The following PRKN variants were observed in gnomAD, a reference collection of about 807,000 sequenced individuals.
PRKN encodes the protein parkin RBR E3 ubiquitin protein ligase.
Under a neutral mutation model 59.5 loss-of-function variants are expected in PRKN, and 56 were observed. That is an observed-to-expected ratio of 0.94 (90% CI 0.76 to 1.18). The LOEUF (loss-of-function observed/expected upper bound fraction) is 1.18. Among genes scored for constraint, PRKN ranks in the 50% most tolerant of loss-of-function variants. The pLI, the probability that PRKN is intolerant of heterozygous loss-of-function variation, is 0.00. For synonymous variants in PRKN, 250 were observed against 222.1 expected (o/e 1.13, Z -1.12); for missense variants, 657 against 596.4 (o/e 1.10, Z -1.06).
chr6:161,878,925 C>T (rs1385567760), intron 6 of PRKN, among the ~76,000 whole-genome samples: 2 of 152,186 alleles, frequency 1.3e-5, no homozygotes, highest in Non-Finnish European at 2.9e-5. Context: ...GATGCAAGCA[C>T]AAATTTGTTG....
At position 161,388,619 on chromosome 6, in the gene PRKN, T is replaced by C. The variant is rs1786368991; in HGVS notation, c.1084-1742A>G. On this transcript the variant is annotated intron_variant, in intron 9 of 11. Transcript: ENST00000366898. This position sits in a 1 kb window ranked among gnomAD's most constrained non-coding sequence, Gnocchi z 4.3. ...TGTCTCTTCTGCTGACAGCCAGATG[T>C]GTTGAGTACTTGACTCCTAGAATAT... 6.6e-6 allele frequency among the ~76,000 whole-genome samples: 1 copy of C among 152,228 alleles called. No individual in the cohort carries two copies. The highest frequency in any genetic ancestry group is 6.5e-5 in the Admixed American group (1 of 15,286).
In PRKN at chr6:162,056,814, A is replaced by C. The variant is rs1777885601; in HGVS notation, c.535-2640T>G. On this transcript the variant is annotated intron_variant, in intron 4 of 11. Coordinates refer to ENST00000366898, the MANE Select transcript of PRKN (RefSeq NM_004562.3). The surrounding 1 kb of genome is among the most constrained non-coding windows in gnomAD (Gnocchi z 4.9). The stretch of plus-strand genomic sequence containing the variant: ...GTGTCTGCATGACCAGTTCCCACTA[A>C]AATCGCTGGGCACTGACTCTCCATT... 6.6e-6 allele frequency among the ~76,000 whole-genome samples: 1 copy of C among 152,110 alleles called. No individual in the cohort carries two copies. The highest frequency in any genetic ancestry group is 2.4e-5 in the African/African-American group (1 of 41,408).
At chr6:162,464,273 C>T (rs978799683) in intron 1 of PRKN, among the ~76,000 whole-genome samples, 1 of 152,012 alleles carries the variant, frequency 6.6e-6, no homozygotes, top group Non-Finnish European at 1.5e-5. Context: ...AAATGGGAAT[C>T]AGGGATCTGC....
chr6:161,600,000 T>C (rs1782051276), intron 7 of PRKN, among the ~76,000 whole-genome samples: 1 of 152,314 alleles, frequency 6.6e-6, no homozygotes, highest in Admixed American at 6.5e-5. Context: ...GAAAACACCA[T>C]GTTTGTTTCT....
chr6:162,301,550 G>A (rs1471155357), intron 2 of PRKN, among the ~76,000 whole-genome samples: 1 of 151,990 alleles, frequency 6.6e-6, no homozygotes, highest in East Asian at 1.9e-4. Flanking sequence ...TTTCTCCTGA[G>A]GCCTCCTGCG....
intron 1 of PRKN, among the ~76,000 whole-genome samples, chr6:162,486,935 T>C (rs1416308389): frequency 6.6e-6 from 1 of 151,972 alleles, no homozygotes; most frequent in East Asian, 1.9e-4. Context: ...CCGGGCGTGG[T>C]AGTGCATACC....
chr6:161,380,206 G>A (rs1399784386), intron 10 of PRKN, among the ~76,000 whole-genome samples: 1 of 152,144 alleles, frequency 6.6e-6, no homozygotes, highest in African/African-American at 2.4e-5. Flanking sequence ...TGCCTGAAGA[G>A]CTCATCCCTG....
intron 4 of PRKN, among the ~76,000 whole-genome samples, chr6:162,169,512 ATACT>A (rs1583142963): frequency 6.6e-6 from 1 of 152,236 alleles, no homozygotes; most frequent in East Asian, 1.9e-4. Flanking sequence ...GACTTCTGAA[ATACT>A]TAGACAAACC....
At chr6:162,070,106 A>G (rs898262018) in intron 4 of PRKN, among the ~76,000 whole-genome samples, 2 of 152,202 alleles carry the variant, frequency 1.3e-5, no homozygotes, top group African/African-American at 4.8e-5. Flanking sequence ...TGAGCCACAC[A>G]TGGATTACTT....
At chr6:161,516,098 T>C (rs16892687) in intron 9 of PRKN, among the ~76,000 whole-genome samples, 3,438 of 152,196 alleles carry the variant, frequency 0.023, 136 homozygotes, top group African/African-American at 0.078. Flanking sequence ...TACTTTTTTC[T>C]ATATAACCTT....
Position 161,561,484 on chromosome 6 carries a change from C to T in PRKN, c.933+7871G>A, listed in dbSNP as rs766912608. 1.7e-4 allele frequency among the ~76,000 whole-genome samples: 26 copies of T among 152,140 alleles called. No individual in the cohort carries two copies. The highest frequency in any genetic ancestry group is 3.5e-4 in the Non-Finnish European group (24 of 68,032). The stretch of plus-strand genomic sequence containing the variant: ...GTCAAGTACTCTTCTATGTGGAAGA[C>T]GCAGCAGTGAAAAATGACATCTTCC... On this transcript the variant is annotated intron_variant, in intron 8 of 11. Coordinates refer to ENST00000366898, the MANE Select transcript of PRKN (RefSeq NM_004562.3). The surrounding 1 kb of genome is among the most constrained non-coding windows in gnomAD (Gnocchi z 5.0).
At chr6:161,610,112 A>G (rs1782433344) in intron 7 of PRKN, among the ~76,000 whole-genome samples, 1 of 152,210 alleles carries the variant, frequency 6.6e-6, no homozygotes, top group African/African-American at 2.4e-5. Context: ...GCCAAGCACT[A>G]TGCTAGGAAC....
intron 5 of PRKN, among the ~76,000 whole-genome samples, chr6:161,987,058 C>T (rs1164395612): frequency 1.3e-5 from 2 of 152,138 alleles, no homozygotes; most frequent in Non-Finnish European, 2.9e-5. Context: ...TTATTCGTGT[C>T]TTCTTTATTG....
chr6:161,808,425 A>G (rs2128212710), intron 6 of PRKN, among the ~76,000 whole-genome samples: 1 of 152,328 alleles, frequency 6.6e-6, no homozygotes, highest in East Asian at 1.9e-4. Context: ...TTTATTAGTA[A>G]AAGACCATCA....
At chr6:162,261,010 G>T (rs1289059174) in intron 3 of PRKN, among the ~76,000 whole-genome samples, 3 of 152,128 alleles carry the variant, frequency 2.0e-5, no homozygotes, top group African/African-American at 7.2e-5. Flanking sequence ...AACTGTACAT[G>T]TGAGACACCC....
rs570314748 is a variant in PRKN at position 162,648,723 on chromosome 6, A to G, written c.7+78939T>C. Among the ~76,000 whole-genome samples the G allele has an allele frequency of 5.9e-5, 9 of 152,240 alleles. No individual in the cohort carries two copies. In the South Asian group the frequency reaches 1.7e-3, roughly 28 times the overall value. ...AATGTCATCTTGACAGTTTGTGAGT[A>G]AGCTCCTTTTACCAACAGGCACTGA... is the stretch of plus-strand genomic sequence containing the variant. On this transcript the variant is annotated intron_variant, in intron 1 of 11. Transcript: ENST00000366898.
intron 2 of PRKN, chr6:162,274,883 C>A (rs1386278933): frequency 6.6e-6 from 1 of 151,844 alleles, no homozygotes; most frequent in South Asian, 2.1e-4. Flanking sequence ...AGATCGAGAC[C>A]ATCCTGGCTA....
chr6:162,465,431 C>G (rs1257517258), intron 1 of PRKN, among the ~76,000 whole-genome samples: 4 of 152,148 alleles, frequency 2.6e-5, no homozygotes, highest in African/African-American at 9.7e-5. Flanking sequence ...CACTATTTTT[C>G]AAGCTGCAAT....
intron 2 of PRKN, among the ~76,000 whole-genome samples, chr6:162,357,541 G>C (rs1159905386): frequency 6.6e-6 from 1 of 152,146 alleles, no homozygotes; most frequent in Admixed American, 6.6e-5. Flanking sequence ...TTCCTGGTGG[G>C]AATGCAAAAC....
Sources: gnomAD v4.1 joint callset for allele counts (sites outside exome capture counted in the v4.1 genomes callset) on GRCh38, gnomAD v4.1.1 for gene constraint, Gnocchi (gnomAD v3.1) non-coding constraint, MANE v1.5 for transcripts, NCBI Gene and HGNC (gene_info 2026-07-23, HGNC 2026-07-21) for gene names.